CLEC2D: variants seen among roughly 807,000 people sequenced by gnomAD.
The protein encoded by CLEC2D is C-type lectin related f.
A neutral mutation model predicts 20.0 loss-of-function variants in CLEC2D; 16 were observed. That is an observed-to-expected ratio of 0.80 (90% CI 0.54 to 1.22). CLEC2D has a LOEUF of 1.22. CLEC2D is among the 50% of genes most tolerant of loss of function. The probability of loss-of-function intolerance (pLI) is 0.00; values close to 1 mark genes in which losing one functional copy is unlikely to be tolerated. For missense variants in CLEC2D, 207 were observed against 221.5 expected, an observed-to-expected ratio of 0.93 and a Z score of 0.42; for synonymous variants, 77 against 71.1, an observed-to-expected ratio of 1.08 and a Z score of -0.42.
Position 9,697,192 on chromosome 12 carries a change from C to G in CLEC2D, c.*2318C>G, listed in dbSNP as rs1848380389. The G allele has an allele frequency of 6.6e-6, 1 of 152,066 alleles. No homozygotes were observed. The highest frequency in any genetic ancestry group is 2.4e-5 in the African/African-American group (1 of 41,388). 9.4% of individuals were successfully genotyped at this position (152,066 alleles called of 1,614,324 possible). On this transcript the variant is annotated 3_prime_UTR_variant, in exon 5 of 5. Coordinates refer to ENST00000290855, the MANE Select transcript of CLEC2D (RefSeq NM_013269.6). ...AGCACTGTGACATGTTAGTGATGGC[C>G]ATAACACCCACGCTGGAAGGTTGTG...
intron 2 of CLEC2D, among the ~76,000 whole-genome samples, chr12:9,685,102 G>A (rs1308470000): frequency 6.6e-6 from 1 of 152,196 alleles, no homozygotes; most frequent in Non-Finnish European, 1.5e-5. Context: ...TCCTGGTTTA[G>A]TCTTGGGAGG....
chr12:9,678,432 T>G (rs1865568567), intron 1 of CLEC2D, among the ~76,000 whole-genome samples: 1 of 151,458 alleles, frequency 6.6e-6, no homozygotes, highest in Non-Finnish European at 1.5e-5. Context: ...ATTGGTGCAT[T>G]TAGATCATTG....
chr12:9,677,043 A>AT lies in CLEC2D; in HGVS notation c.62-3867dup, dbSNP rs58691816. On this transcript the variant is annotated intron_variant, in intron 1 of 4. Transcript: ENST00000290855. ...AATTAGCCTGGCTAGAGCCTTATCC[A>AT]TTTTTTTTTTTTTAATCTTTCAAAC... 3.3e-3 allele frequency among the ~76,000 whole-genome samples: 479 copies of AT among 145,222 alleles called. 2 individuals are homozygous for AT. Among genetic ancestry groups the AT allele is most frequent in the East Asian group, 9.3e-3 (46 of 4,938 alleles).
At chr12:9,684,609 A>G (rs1204426548) in intron 2 of CLEC2D, among the ~76,000 whole-genome samples, 3 of 152,280 alleles carry the variant, frequency 2.0e-5, no homozygotes, top group South Asian at 2.1e-4. Context: ...CAATTTTATC[A>G]AAGGCCTTTT....
chr12:9,697,482 G>T lies in CLEC2D; in HGVS notation c.*2608G>T, dbSNP rs987174768. 2 of 151,956 alleles carry T rather than the reference G, an allele frequency of 1.3e-5. No homozygotes were observed. Among genetic ancestry groups the T allele is most frequent in the African/African-American group, 4.8e-5 (2 of 41,332 alleles). The allele number at this position is 151,956 out of a possible 1,614,324, so 9.4% of individuals were successfully genotyped here. On this transcript the variant is annotated 3_prime_UTR_variant, in exon 5 of 5. Coordinates refer to ENST00000290855, the MANE Select transcript of CLEC2D (RefSeq NM_013269.6). ...AAATACATGGGTAAATCTCTGTTCTGGGCTCTCAGCTCTGAAGGCTGTGAG... is the reference window on the plus strand; with the variant it reads ...AAATACATGGGTAAATCTCTGTTCTTGGCTCTCAGCTCTGAAGGCTGTGAG...
intron 2 of CLEC2D, among the ~76,000 whole-genome samples, chr12:9,685,422 C>T (rs1865726919): frequency 6.6e-6 from 1 of 152,210 alleles, no homozygotes; most frequent in South Asian, 2.1e-4. Flanking sequence ...GTTTAAGTCT[C>T]CTGAAGCCGT....
rs1866062093 is a variant in CLEC2D, at chr12:9,698,822, G to A, written c.*3948G>A. On this transcript the variant is annotated 3_prime_UTR_variant, in exon 5 of 5. Transcript: ENST00000290855. Reference sequence around the variant, plus strand: ...CAGGTGGAACTAAAGAAGACTCGAGGTCTCTCTGACCTCCTCCTCAACCTC... The same window carrying A: ...CAGGTGGAACTAAAGAAGACTCGAGATCTCTCTGACCTCCTCCTCAACCTC... 2.0e-5 allele frequency: 3 copies of A among 152,124 alleles called. No individual in the cohort carries two copies. The highest frequency in any genetic ancestry group is 2.0e-4 in the Admixed American group (3 of 15,270). The allele number at this position is 152,124 out of a possible 1,614,324, so 9.4% of individuals were successfully genotyped here.
chr12:9,692,140 G>T (rs12823699), intron 3 of CLEC2D, among the ~76,000 whole-genome samples: 1 of 151,434 alleles, frequency 6.6e-6, no homozygotes, highest in Non-Finnish European at 1.5e-5. Context: ...TCGTTCGTTC[G>T]TTCGTTTCTT....
At chr12:9,682,519 G>A (rs750977446) in intron 2 of CLEC2D, among the ~76,000 whole-genome samples, 68 of 152,024 alleles carry the variant, frequency 4.5e-4, no homozygotes, top group Non-Finnish European at 8.8e-4. Flanking sequence ...CCCTCCCGTT[G>A]CCCCCCAACC....
chr12:9,694,686 A>G lies in CLEC2D; in HGVS notation c.462-74A>G, dbSNP rs76700607. 597 of 836,980 alleles carry G rather than the reference A, an allele frequency of 7.1e-4. 4 individuals are homozygous for G. In the African/African-American group the frequency reaches 9.2e-3, roughly 13 times the overall value. The allele number at this position is 836,980 out of a possible 1,614,324, so 51.8% of individuals were successfully genotyped here. A position where few individuals can be genotyped will look rare whatever the true frequency, so the allele number is the denominator to read the frequency against. On this transcript the variant is annotated intron_variant, in intron 4 of 4. Coordinates refer to ENST00000290855, the MANE Select transcript of CLEC2D (RefSeq NM_013269.6). ...AGGCTGAATTAATGTTAGTTTTCTC[A>G]TTTTCTCATCTTCATTCTCTCTGCT...
Position 9,695,221 on chromosome 12 carries a change from G to A in CLEC2D, c.*347G>A. 8.2e-6 allele frequency: 5 copies of A among 609,996 alleles called. No homozygotes were observed. The Middle Eastern group carries it at 1.3e-3, about 162-fold the overall frequency. The allele number at this position is 609,996 out of a possible 1,614,324, so 37.8% of individuals were successfully genotyped here. On this transcript the variant is annotated 3_prime_UTR_variant, in exon 5 of 5. Coordinates refer to ENST00000290855, the MANE Select transcript of CLEC2D (RefSeq NM_013269.6). Reference sequence around the variant, plus strand: ...TGTCTTATGTGGTGGCAGGCAGGGGGACTTGTGCACAGGAACTCCTATTTA... The same window carrying A: ...TGTCTTATGTGGTGGCAGGCAGGGGAACTTGTGCACAGGAACTCCTATTTA...
chr12:9,685,291 G>T (rs1022548055), intron 2 of CLEC2D, among the ~76,000 whole-genome samples: 2 of 152,204 alleles, frequency 1.3e-5, no homozygotes, highest in South Asian at 2.1e-4. Flanking sequence ...GCTAGGAGTT[G>T]TCTCCCAGTC....
In CLEC2D at chr12:9,696,311, A is replaced by G. The variant is rs764631584; in HGVS notation, c.*1437A>G. ...CAGTTGATATCTGGCTGTCCTTTTT[A>G]TAGTGCAGAGTGAGAACTTTCCCTA... On this transcript the variant is annotated 3_prime_UTR_variant, in exon 5 of 5. Transcript: ENST00000290855. 6 of 650,804 alleles carry G rather than the reference A, an allele frequency of 9.2e-6. No individual in the cohort carries two copies. Among genetic ancestry groups the G allele is most frequent in the Admixed American group, 6.1e-5 (3 of 49,210 alleles). 40.3% of individuals were successfully genotyped at this position (650,804 alleles called of 1,614,324 possible).
intron 1 of CLEC2D, among the ~76,000 whole-genome samples, chr12:9,678,011 A>C (rs11052366): frequency 0.88 from 133,469 of 151,798 alleles, 58,869 homozygotes; most frequent in East Asian, 0.97. Context: ...TCATGAGCCA[A>C]TATACCCTGC....
chr12:9,692,512 A>T (rs1449419246), intron 3 of CLEC2D, among the ~76,000 whole-genome samples: 1 of 152,218 alleles, frequency 6.6e-6, no homozygotes, highest in Non-Finnish European at 1.5e-5. Flanking sequence ...AGAATGTCAT[A>T]GTAGCATACA....
At chr12:9,691,083 T>C (rs986170480) in intron 3 of CLEC2D, among the ~76,000 whole-genome samples, 1 of 152,114 alleles carries the variant, frequency 6.6e-6, no homozygotes, top group Admixed American at 6.5e-5. Flanking sequence ...GAAAAAGATA[T>C]TCCATACAAA....
In CLEC2D at chr12:9,692,883, A is replaced by G. The variant is rs1865897096; in HGVS notation, c.413A>G (p.Glu138Gly). The G allele has an allele frequency of 6.2e-7, 1 of 1,613,730 alleles. No homozygotes were observed. The highest frequency in any genetic ancestry group is 8.5e-7 in the Non-Finnish European group (1 of 1,179,854). ...PSDHWIGLSR[E>G]QGQPWKWING... ...GATCACTGGATTGGGCTGAGCAGAG[A>G]ACAAGGCCAACCATGGAAATGGATA... Residue 138 changes from glutamate (E) to glycine (G), a missense_variant, in exon 4 of 5, where the codon GAA becomes GGA. Physicochemically the swap from Glu to Gly is moderately conservative, Grantham distance 98 (BLOSUM62 -2). Transcript: ENST00000290855.
chr12:9,685,169 G>T (rs933451197), intron 2 of CLEC2D, among the ~76,000 whole-genome samples: 1 of 152,196 alleles, frequency 6.6e-6, no homozygotes, highest in Non-Finnish European at 1.5e-5. Context: ...ACCAGCAAAG[G>T]CTGAAGAAAA....
At chr12:9,686,814 G>A (rs768476814) in intron 2 of CLEC2D, among the ~76,000 whole-genome samples, 34 of 152,322 alleles carry the variant, frequency 2.2e-4, no homozygotes, top group African/African-American at 8.2e-4. Context: ...GTCCAGTGAA[G>A]TATTGCTGCC....
Sources: gnomAD v4.1 joint callset for allele counts (sites outside exome capture counted in the v4.1 genomes callset) on GRCh38, gnomAD v4.1.1 for gene constraint, MANE v1.5 for transcripts, NCBI Gene and HGNC (gene_info 2026-07-23, HGNC 2026-07-21) for gene names.